SLC68A1: variants seen among roughly 807,000 people sequenced by gnomAD.
SLC68A1 encodes major facilitator superfamily domain containing 13A.
At chr10:102,465,535 C>G in the SLC68A1 span, among the ~76,000 whole-genome samples, 3 of 152,202 alleles carry the variant, frequency 2.0e-5, no homozygotes, top group African/African-American at 7.2e-5. Context: ...TTGACATTAA[C>G]ATCCCCACTT....
At chr10:102,465,766 G>T in the SLC68A1 span, among the ~76,000 whole-genome samples, 1 of 152,198 alleles carries the variant, frequency 6.6e-6, no homozygotes, top group Non-Finnish European at 1.5e-5. Context: ...CAGATTGAGG[G>T]TGGGGAGGGC....
At chr10:102,470,251 T>C in the SLC68A1 span, among the ~76,000 whole-genome samples, 1 of 152,136 alleles carries the variant, frequency 6.6e-6, no homozygotes, top group Non-Finnish European at 1.5e-5. Flanking sequence ...GAGGTGGCCT[T>C]GGACGTACAC....
At chr10:102,467,523 G>A in the SLC68A1 span, among the ~76,000 whole-genome samples, 1 of 152,062 alleles carries the variant, frequency 6.6e-6, no homozygotes, top group South Asian at 2.1e-4. Context: ...ATAAAGCTTT[G>A]AGGAAAAAAA....
the SLC68A1 span, chr10:102,470,733 C>G: frequency 2.5e-6 from 4 of 1,613,636 alleles, no homozygotes; most frequent in Non-Finnish European, 3.4e-6. Context: ...TGGCATGGGC[C>G]GCTGCTGGCG....
chr10:102,476,932 C>T, the SLC68A1 span: 1 of 985,732 alleles, frequency 1.0e-6, no homozygotes, highest in Non-Finnish European at 1.2e-6. Context: ...TCTGCTTCAG[C>T]TGTGCTTGAA....
the SLC68A1 span, chr10:102,476,871 G>GTC: frequency 2.0e-6 from 2 of 985,552 alleles, no homozygotes; most frequent in Non-Finnish European, 2.4e-6. Flanking sequence ...CTGACTGTAA[G>GTC]TCCCACCTCC....
the SLC68A1 span, chr10:102,476,106 C>CA: frequency 8.9e-6 from 12 of 1,349,122 alleles, no homozygotes; most frequent in African/African-American, 1.2e-4. Context: ...AGCTGTTGCC[C>CA]AAAAAAATGG....
At chr10:102,464,198 G>A in the SLC68A1 span, among the ~76,000 whole-genome samples, 1 of 152,168 alleles carries the variant, frequency 6.6e-6, no homozygotes, top group Non-Finnish European at 1.5e-5. Context: ...TCGCCTGTGA[G>A]CCAGCACTTC....
chr10:102,471,522 G>A, the SLC68A1 span: 2 of 1,351,328 alleles, frequency 1.5e-6, no homozygotes, highest in Non-Finnish European at 2.0e-6. Context: ...CACTTTGGGA[G>A]GCTGAGGTGG....
At chr10:102,463,433 A>C in the SLC68A1 span, among the ~76,000 whole-genome samples, 5 of 151,882 alleles carry the variant, frequency 3.3e-5, no homozygotes, top group Non-Finnish European at 5.9e-5. Flanking sequence ...GGCCTCCCCA[A>C]GTGCTGGGAT....
chr10:102,473,529 G>A, the SLC68A1 span: 1 of 1,557,258 alleles, frequency 6.4e-7, no homozygotes, highest in South Asian at 1.2e-5. Flanking sequence ...TGGCACTGCA[G>A]CAGTGCCCTT....
At chr10:102,473,028 G>A in the SLC68A1 span, 47 of 1,170,190 alleles carry the variant, frequency 4.0e-5, no homozygotes, top group South Asian at 8.6e-5. Context: ...GGGTTTCACC[G>A]TATTAGCCAG....
chr10:102,463,384 G>A, the SLC68A1 span, among the ~76,000 whole-genome samples: 3 of 152,142 alleles, frequency 2.0e-5, no homozygotes, highest in African/African-American at 7.2e-5. Flanking sequence ...TGTTAGCCAG[G>A]ATGATCTCGA....
the SLC68A1 span, among the ~76,000 whole-genome samples, chr10:102,467,421 G>A: frequency 6.6e-6 from 1 of 152,212 alleles, no homozygotes; most frequent in Non-Finnish European, 1.5e-5. Flanking sequence ...CTTGTTTGTG[G>A]TTATGATTTC....
chr10:102,470,557 G>A, the SLC68A1 span: 6 of 1,508,746 alleles, frequency 4.0e-6, no homozygotes, highest in Non-Finnish European at 5.3e-6. Flanking sequence ...ACCCTGTTGT[G>A]AGTCCCACAC....
the SLC68A1 span, among the ~76,000 whole-genome samples, chr10:102,475,303 A>G: frequency 6.6e-6 from 1 of 151,698 alleles, no homozygotes; most frequent in East Asian, 1.9e-4. Flanking sequence ...CTTTCCAAAA[A>G]AAAAAAAGTT....
At chr10:102,462,667 C>T in the SLC68A1 span, among the ~76,000 whole-genome samples, 1 of 152,142 alleles carries the variant, frequency 6.6e-6, no homozygotes, top group African/African-American at 2.4e-5. Flanking sequence ...TTCTTCCAAA[C>T]AGATCTGTCA....
chr10:102,473,077 C>A, the SLC68A1 span: 1 of 782,884 alleles, frequency 1.3e-6, no homozygotes, highest in Non-Finnish European at 2.2e-6. Context: ...CCACCTGCCT[C>A]TGCCTCCCAA....
At chr10:102,470,988 T>A in the SLC68A1 span, 505 of 1,613,274 alleles carry the variant, frequency 3.1e-4, 10 homozygotes, top group East Asian at 0.011. Context: ...TTCTCCTCCT[T>A]CCGCGCTTTC....
Sources: gnomAD v4.1 joint callset for allele counts (sites outside exome capture counted in the v4.1 genomes callset) on GRCh38, gnomAD v4.1.1 for gene constraint, MANE v1.5 for transcripts, NCBI Gene and HGNC (gene_info 2026-07-23, HGNC 2026-07-21) for gene names.